The following NPAS3 variants were observed in gnomAD, a reference collection of about 807,000 sequenced individuals.
The protein encoded by NPAS3 is neuronal PAS domain protein 3, also known as neuronal PAS domain-containing protein 3.
NPAS3 carries 14 observed loss-of-function variants against 73.1 expected under a neutral mutation model. The observed-to-expected ratio is 0.19, with a 90% confidence interval of 0.13 to 0.30. NPAS3 has a LOEUF of 0.30. Among genes scored for constraint, NPAS3 ranks in the 10% least tolerant of loss-of-function variants. The pLI, the probability that NPAS3 is intolerant of heterozygous loss-of-function variation, is 1.00. For missense variants in NPAS3, 1,096 were observed against 1,250.0 expected (o/e 0.88, Z 1.86); for synonymous variants, 620 against 541.5 (o/e 1.14, Z -2.01).
At chr14:33,592,766 C>A (rs1209862563) in intron 5 of NPAS3, among the ~76,000 whole-genome samples, 1 of 152,178 alleles carries the variant, frequency 6.6e-6, no homozygotes, top group Non-Finnish European at 1.5e-5. Context: ...CTTTAAGGCT[C>A]TTTTTAGTAA....
At chr14:32,984,273 GT>G (rs1239827739) in intron 1 of NPAS3, among the ~76,000 whole-genome samples, 1 of 152,174 alleles carries the variant, frequency 6.6e-6, no homozygotes, top group Non-Finnish European at 1.5e-5. Context: ...CAGAGCAAGG[GT>G]TTTTTCTCCA....
In NPAS3 at chr14:33,639,323, A is replaced by C. The variant is rs144657500; in HGVS notation, c.559-36888A>C. Among the ~76,000 whole-genome samples, 349 of 152,356 alleles carry C rather than the reference A, an allele frequency of 2.3e-3. 2 individuals carry two copies. Among genetic ancestry groups the C allele is most frequent in the African/African-American group, 7.8e-3 (324 of 41,584 alleles). On this transcript the variant is annotated intron_variant, in intron 5 of 11. Transcript: ENST00000356141. ...AATAGGAGCTAGAGACAAATTTAAA[A>C]TAAGAAGAATTGTGCTACCCCTAAA... is the stretch of plus-strand genomic sequence containing the variant.
At chr14:33,483,137 A>G (rs1164066416) in intron 4 of NPAS3, among the ~76,000 whole-genome samples, 4 of 152,190 alleles carry the variant, frequency 2.6e-5, no homozygotes, top group African/African-American at 4.8e-5. Context: ...TGGTGAGCTG[A>G]TAGCCAATTC....
At chr14:33,215,612 A>C (rs1337387340) in intron 3 of NPAS3, 186 bp downstream of exon 3, 1 of 752,898 alleles carries the variant, frequency 1.3e-6, no homozygotes, top group South Asian at 1.5e-5. Context: ...TTATTTTTCT[A>C]TTTTATTTTC....
chr14:33,284,002 C>G (rs867033544), intron 3 of NPAS3, among the ~76,000 whole-genome samples: 1 of 152,144 alleles, frequency 6.6e-6, no homozygotes, highest in Non-Finnish European at 1.5e-5. Context: ...GTTTATCTTC[C>G]TCTTAATTCA....
chr14:33,163,662 C>G (rs1023376289), intron 2 of NPAS3, among the ~76,000 whole-genome samples: 1 of 141,536 alleles, frequency 7.1e-6, no homozygotes, highest in Non-Finnish European at 1.5e-5. Flanking sequence ...CATCTGTGTC[C>G]TTGAACCCAT....
chr14:33,197,334 G>A (rs575316406), intron 2 of NPAS3, among the ~76,000 whole-genome samples: 37 of 151,716 alleles, frequency 2.4e-4, no homozygotes, highest in Non-Finnish European at 4.4e-4. Context: ...CAGTACCTGA[G>A]CCTCACATAG....
At position 33,562,899 on chromosome 14, in the gene NPAS3, G is replaced by GCACACACACACACACACACACA. The variant is rs56063953; in HGVS notation, c.558+2708_558+2709insACACACACACACACACACACAC. On this transcript the variant is annotated intron_variant, in intron 5 of 11. Coordinates refer to ENST00000356141, the Ensembl canonical transcript of NPAS3. Reference sequence around the variant, plus strand: ...AAATTAAGCATTTGTTCTTTTATGAGCACACACACACACACACACCCTTAA... The same window carrying GCACACACACACACACACACACA: ...AAATTAAGCATTTGTTCTTTTATGAGCACACACACACACACACACACACACACACACACACACACACCCTTAA... Among the ~76,000 whole-genome samples the GCACACACACACACACACACACA allele has an allele frequency of 1.6e-3, 241 of 149,822 alleles. 1 individual carries two copies. Among genetic ancestry groups the GCACACACACACACACACACACA allele is most frequent in the Middle Eastern group, 0.01 (3 of 292 alleles).
chr14:33,024,596 G>T (rs2039734927), intron 1 of NPAS3, among the ~76,000 whole-genome samples: 2 of 152,164 alleles, frequency 1.3e-5, no homozygotes, highest in Non-Finnish European at 2.9e-5. Context: ...AGTACTGTGG[G>T]GTTGAGGGAA....
Position 33,329,866 on chromosome 14 carries a change from A to G in NPAS3, c.386-37320A>G, listed in dbSNP as rs544664998. Among the ~76,000 whole-genome samples the G allele has an allele frequency of 3.3e-5, 5 of 152,324 alleles. No individual in the cohort carries two copies. The East Asian group carries it at 5.8e-4, about 18-fold the overall frequency. On this transcript the variant is annotated intron_variant, in intron 3 of 11. Coordinates refer to ENST00000356141, the Ensembl canonical transcript of NPAS3. ...AAGTGCTTAAAACAATGCCTGGAAC[A>G]TAGTAAGTGTTACATTAATGTGTAT...
At chr14:33,742,376 CAAACGTGGGAATAA>C (rs972784881) in intron 7 of NPAS3, among the ~76,000 whole-genome samples, 2 of 152,166 alleles carry the variant, frequency 1.3e-5, no homozygotes, top group Non-Finnish European at 2.9e-5. Flanking sequence ...GACAATAAAA[CAAACGTGGGAATAA>C]ATGAGTCACA....
At chr14:33,799,767 G>C (rs368719900) in exon 12 of NPAS3, 1 of 1,597,272 alleles carries the variant, frequency 6.3e-7, no homozygotes, top group South Asian at 1.1e-5. Flanking sequence ...GACGAGAAGG[G>C]GAACCAGTCC....
At chr14:32,951,092 CA>C (rs1307052077) in intron 1 of NPAS3, among the ~76,000 whole-genome samples, 2 of 152,108 alleles carry the variant, frequency 1.3e-5, no homozygotes, top group Admixed American at 6.6e-5. Flanking sequence ...CATGGAATGG[CA>C]TAAATCCTGG....
intron 3 of NPAS3, among the ~76,000 whole-genome samples, chr14:33,282,920 C>G (rs1210931326): frequency 6.6e-6 from 1 of 152,166 alleles, no homozygotes; most frequent in African/African-American, 2.4e-5. Context: ...GATTCAAAGA[C>G]TACAGAAGCC....
chr14:33,191,980 T>A (rs2046187914), intron 2 of NPAS3, among the ~76,000 whole-genome samples: 2 of 152,194 alleles, frequency 1.3e-5, no homozygotes, highest in Non-Finnish European at 2.9e-5. Context: ...AAAACAGTAA[T>A]TCATGGGATT....
intron 3 of NPAS3, among the ~76,000 whole-genome samples, chr14:33,346,700 C>G (rs2044752684): frequency 6.6e-6 from 1 of 152,056 alleles, no homozygotes; most frequent in Admixed American, 6.5e-5. Flanking sequence ...GCTTGAGTTC[C>G]TAGGTGAGTC....
intron 3 of NPAS3, among the ~76,000 whole-genome samples, chr14:33,348,574 T>C (rs544696565): frequency 1.5e-4 from 23 of 152,294 alleles, no homozygotes; most frequent in Middle Eastern, 3.4e-3. Context: ...CAGGACAAGA[T>C]TGTTTATTTT....
At chr14:32,961,720 C>A (rs1004485512) in intron 1 of NPAS3, among the ~76,000 whole-genome samples, 13 of 152,130 alleles carry the variant, frequency 8.5e-5, no homozygotes, top group African/African-American at 3.1e-4. Flanking sequence ...TACATTATCT[C>A]ATTTAATTCC....
chr14:33,409,447 C>T (rs887834105), intron 4 of NPAS3, among the ~76,000 whole-genome samples: 1 of 152,088 alleles, frequency 6.6e-6, no homozygotes, highest in Non-Finnish European at 1.5e-5. Context: ...TTCATCCTAA[C>T]TTAGAATTTT....
Sources: allele counts gnomAD v4.1 joint callset (sites outside exome capture counted in the v4.1 genomes callset), GRCh38; gene constraint gnomAD v4.1.1; transcripts MANE v1.5; gene names NCBI Gene and HGNC (gene_info 2026-07-23, HGNC 2026-07-21).